LRP1B: variants seen among roughly 807,000 people sequenced by gnomAD.
LRP1B encodes the protein low-density lipoprotein receptor-related protein 1B.
LRP1B carries 217 observed loss-of-function variants against 556.6 expected under a neutral mutation model. The observed-to-expected ratio is 0.39, with a 90% CI of 0.35 to 0.44. The LOEUF is 0.44. LRP1B is among the 20% of genes least tolerant of loss of function. The pLI is 1.00. For synonymous variants in LRP1B, 2,047 were observed against 1,865.8 expected (o/e 1.10, Z -2.50); for missense variants, 5,053 against 5,620.8 (o/e 0.90, Z 3.23).
At chr2:141,597,700 T>C (rs569666714) in intron 2 of LRP1B, among the ~76,000 whole-genome samples, 7 of 152,106 alleles carry the variant, frequency 4.6e-5, no homozygotes, top group Non-Finnish European at 1.0e-4. Context: ...GATTAGCTTT[T>C]CTTTTTTTCT....
intron 32 of LRP1B, among the ~76,000 whole-genome samples, chr2:140,788,539 T>C (rs1035225446): frequency 6.6e-6 from 1 of 152,146 alleles, no homozygotes; most frequent in Non-Finnish European, 1.5e-5. Context: ...TCCAGTAAAA[T>C]GATATTAGAG....
intron 1 of LRP1B, among the ~76,000 whole-genome samples, chr2:142,003,403 G>A (rs1204184918): frequency 1.3e-5 from 2 of 152,188 alleles, no homozygotes; most frequent in African/African-American, 2.4e-5. Context: ...GGATTGGGAA[G>A]AGAACAGTGC....
At chr2:140,817,343 A>C (rs1358778353) in intron 31 of LRP1B, among the ~76,000 whole-genome samples, 3 of 152,124 alleles carry the variant, frequency 2.0e-5, no homozygotes, top group Admixed American at 6.5e-5. Context: ...GTCACTATTT[A>C]AATTAAGAAA....
At position 141,327,752 on chromosome 2, in the gene LRP1B, C is replaced by A. The variant is rs937327474; in HGVS notation, c.344-73111G>T. ...CTCTTTTCTATATTGCTGGACAGAG[C>A]AATATAGATAAATTTCTTAGGCTGT... On this transcript the variant is annotated intron_variant, in intron 3 of 90. Transcript: ENST00000389484. 2.6e-5 allele frequency among the ~76,000 whole-genome samples: 4 copies of A among 152,018 alleles called. No homozygotes were observed. In the South Asian group the frequency reaches 8.3e-4, roughly 32 times the overall value.
intron 1 of LRP1B, among the ~76,000 whole-genome samples, chr2:141,814,756 C>T (rs556835260): frequency 6.6e-6 from 1 of 151,962 alleles, no homozygotes; most frequent in Non-Finnish European, 1.5e-5. Flanking sequence ...ATTCAGGAGA[C>T]TGGGTAAAAC....
chr2:140,827,757 T>G (rs1222610708), intron 31 of LRP1B, among the ~76,000 whole-genome samples: 1 of 152,088 alleles, frequency 6.6e-6, no homozygotes, highest in Non-Finnish European at 1.5e-5. Flanking sequence ...TATCTAGTTA[T>G]AGGAAGATCA....
At chr2:141,205,468 T>C (rs1462335952) in intron 6 of LRP1B, among the ~76,000 whole-genome samples, 1 of 152,180 alleles carries the variant, frequency 6.6e-6, no homozygotes, top group Non-Finnish European at 1.5e-5. Context: ...GAAAGGATTA[T>C]TTGCATAATT....
chr2:140,560,250 T>C (rs569279902), intron 43 of LRP1B, among the ~76,000 whole-genome samples: 15 of 152,154 alleles, frequency 9.9e-5, no homozygotes, highest in Non-Finnish European at 1.6e-4. Context: ...TAATATCTAA[T>C]ATTAACTCTC....
chr2:140,705,652 T>C (rs992608786), intron 37 of LRP1B, among the ~76,000 whole-genome samples: 1 of 151,610 alleles, frequency 6.6e-6, no homozygotes, highest in African/African-American at 2.4e-5. Flanking sequence ...CTATTCATTT[T>C]AAATTTGTGA....
chr2:141,553,481 T>C (rs1247263309), intron 2 of LRP1B, among the ~76,000 whole-genome samples: 1 of 151,398 alleles, frequency 6.6e-6, no homozygotes, highest in Non-Finnish European at 1.5e-5. Flanking sequence ...TTATCCCAAA[T>C]TTTTTCTCGG....
chr2:140,251,849 G>T (rs1681431823), intron 86 of LRP1B, among the ~76,000 whole-genome samples: 1 of 151,284 alleles, frequency 6.6e-6, no homozygotes, highest in African/African-American at 2.4e-5. Flanking sequence ...TTGCATAATG[G>T]TGAAGAAAAT....
intron 2 of LRP1B, among the ~76,000 whole-genome samples, chr2:141,677,163 T>C (rs945608633): frequency 6.6e-6 from 1 of 152,098 alleles, no homozygotes. Context: ...GAAGAACGAA[T>C]ACAAATTCCA....
chr2:140,391,506 G>A (rs1478173684), intron 66 of LRP1B, among the ~76,000 whole-genome samples: 2 of 152,208 alleles, frequency 1.3e-5, no homozygotes, highest in South Asian at 2.1e-4. Context: ...AATAAGAGCT[G>A]TGTACTTCAT....
intron 2 of LRP1B, among the ~76,000 whole-genome samples, chr2:141,686,711 T>C (rs1489680167): frequency 2.0e-5 from 3 of 151,968 alleles, no homozygotes; most frequent in African/African-American, 7.2e-5. Flanking sequence ...TCATCCCCAA[T>C]GTGGCAGAGG....
At chr2:141,365,969 G>A (rs568522248) in intron 3 of LRP1B, among the ~76,000 whole-genome samples, 18 of 152,040 alleles carry the variant, frequency 1.2e-4, no homozygotes, top group Non-Finnish European at 1.8e-4. Context: ...CACCGCACCC[G>A]GCCAACAAGT....
chr2:142,019,580 G>T (rs1423681161), intron 1 of LRP1B, among the ~76,000 whole-genome samples: 1 of 152,046 alleles, frequency 6.6e-6, no homozygotes, highest in African/African-American at 2.4e-5. Context: ...CTTCCCCATT[G>T]CAGTCTATCT....
intron 2 of LRP1B, among the ~76,000 whole-genome samples, chr2:141,743,504 T>TTC (rs1693793959): frequency 1.3e-5 from 1 of 79,010 alleles, no homozygotes; most frequent in Admixed American, 1.3e-4. Context: ...TTTTTTTCTT[T>TTC]TTTTTTTTTT....
chr2:141,447,208 A>G (rs143856604), intron 3 of LRP1B, among the ~76,000 whole-genome samples: 3,319 of 151,368 alleles, frequency 0.022, 145 homozygotes, highest in African/African-American at 0.075. Flanking sequence ...CGATTTGGCT[A>G]TTGATACTTG....
chr2:141,172,897 C>T (rs16845567), intron 7 of LRP1B, among the ~76,000 whole-genome samples: 4,604 of 152,002 alleles, frequency 0.03, 103 homozygotes, highest in Non-Finnish European at 0.045. Flanking sequence ...GAAGGCAGAA[C>T]TTTCATCCAG....
Sources: gnomAD v4.1 joint callset for allele counts (sites outside exome capture counted in the v4.1 genomes callset) on GRCh38, gnomAD v4.1.1 for gene constraint, MANE v1.5 for transcripts, NCBI Gene and HGNC (gene_info 2026-07-23, HGNC 2026-07-21) for gene names.